SETD2: variants seen among roughly 807,000 people sequenced by gnomAD.
SETD2 encodes the protein SET domain containing 2, histone lysine methyltransferase, also known as histone-lysine N-methyltransferase SETD2.
Under a neutral mutation model 242.1 loss-of-function variants are expected in SETD2, and 31 were observed. The ratio of observed to expected loss-of-function variants is 0.13; its 90% CI spans 0.10 to 0.17. The LOEUF (loss-of-function observed/expected upper bound fraction) is 0.17, where lower values mean the gene tolerates loss of function less well. Among genes scored for constraint, SETD2 ranks in the 10% least tolerant of loss-of-function variants. The probability of loss-of-function intolerance (pLI) is 1.00; values close to 1 mark genes in which losing one functional copy is unlikely to be tolerated. For synonymous variants in SETD2, 1,006 were observed against 1,066.5 expected, an observed-to-expected ratio of 0.94 and a Z score of 1.11; for missense variants, 2,481 against 3,046.3, an observed-to-expected ratio of 0.81 and a Z score of 4.37.
At chr3:47,046,315 T>G (rs2039524093) in intron 16 of SETD2, among the ~76,000 whole-genome samples, 172 bp downstream of exon 16, 1 of 146,668 alleles carries the variant, frequency 6.8e-6, no homozygotes. Flanking sequence ...CCAGCCTGGG[T>G]GACAGAGCGA....
chr3:47,086,426 C>T (rs2041561369), intron 10 of SETD2, 112 bp from the exon 11 acceptor site: 1 of 1,020,298 alleles, frequency 9.8e-7, no homozygotes. Context: ...GGTTCACTTA[C>T]ATTCACAAAA....
chr3:47,103,694 C>G (rs773516572), intron 6 of SETD2, among the ~76,000 whole-genome samples: 3 of 151,892 alleles, frequency 2.0e-5, no homozygotes, highest in Non-Finnish European at 2.9e-5. Context: ...ACACATTTTA[C>G]AAAGGAAAAG....
chr3:47,054,791 T>C (rs766116433), intron 15 of SETD2, among the ~76,000 whole-genome samples: 3 of 152,166 alleles, frequency 2.0e-5, no homozygotes, highest in Non-Finnish European at 4.4e-5. Flanking sequence ...AACTTTTCAT[T>C]TAAATGACTA....
intron 6 of SETD2, 86 bp downstream of exon 6, chr3:47,105,903 CAAAAAAAA>C (rs55987628): frequency 1.0e-4 from 97 of 965,156 alleles, no homozygotes; most frequent in South Asian, 1.3e-4. Flanking sequence ...ACTCCGTCTC[CAAAAAAAA>C]AAAAAAAAAA....
rs761377537 is a variant in SETD2 at position 47,122,574 on chromosome 3, T to G, written c.2062A>C (p.Thr688Pro). The G allele has an allele frequency of 3.1e-6, 5 of 1,614,030 alleles. No individual in the cohort carries two copies. The highest frequency in any genetic ancestry group is 1.7e-6 in the Non-Finnish European group (2 of 1,180,012). The change falls in exon 3 of 21, where the codon ACT becomes CCT. Residue 688 changes from threonine (T) to proline (P), a missense_variant. This residue lies in a region of SETD2 where 1,300 missense variants were observed against 1,259.2 expected (regional missense o/e 1.03). Transcript: ENST00000409792. ...ATTAAAACAGCATCAGTTTTAGAAG[T>G]GCAAAATGTTGCCAAATCAGATTCT... is the stretch of plus-strand genomic sequence containing the variant. ...GAESDLATFC[T>P]SKTDAVLMTS...
At chr3:47,092,910 G>A (rs1338762222) in intron 9 of SETD2, among the ~76,000 whole-genome samples, 1 of 151,974 alleles carries the variant, frequency 6.6e-6, no homozygotes, top group Admixed American at 6.6e-5. Flanking sequence ...CCTATGCTTT[G>A]GAGATAACTT....
chr3:47,095,768 A>G (rs758870591), intron 9 of SETD2, among the ~76,000 whole-genome samples: 1 of 152,042 alleles, frequency 6.6e-6, no homozygotes, highest in Non-Finnish European at 1.5e-5. Context: ...AAAAAAAAAG[A>G]AAAACTTTCA....
chr3:47,093,440 C>T (rs544817413), intron 9 of SETD2, among the ~76,000 whole-genome samples: 3 of 152,050 alleles, frequency 2.0e-5, no homozygotes, highest in South Asian at 4.2e-4. Flanking sequence ...CCCACCATTA[C>T]ACTTGGCTAA....
At chr3:47,089,337 T>C (rs1027658110) in intron 9 of SETD2, among the ~76,000 whole-genome samples, 1 of 152,002 alleles carries the variant, frequency 6.6e-6, no homozygotes, top group African/African-American at 2.4e-5. Flanking sequence ...GTCTCAGCTA[T>C]TCAGGAGGCT....
rs55987628 is a variant in SETD2, at chr3:47,105,903, C to CA, written c.4839+93dup. The CA allele has an allele frequency of 0.022, 21,558 of 961,738 alleles. 19 individuals are homozygous for CA. The highest frequency in any genetic ancestry group is 0.037 in the African/African-American group (1,672 of 45,558). The allele number at this position is 961,738 out of a possible 1,614,324, so 59.6% of individuals were successfully genotyped here. A position where few individuals can be genotyped will look rare whatever the true frequency, so the allele number is the denominator to read the frequency against. ...GGGCGATAGAGCGAGACTCCGTCTCCAAAAAAAAAAAAAAAAAAAAAATCA... is the reference window on the plus strand; with the variant it reads ...GGGCGATAGAGCGAGACTCCGTCTCCAAAAAAAAAAAAAAAAAAAAAAATCA... On this transcript the variant is annotated intron_variant, in intron 6 of 20. Coordinates refer to ENST00000409792, the MANE Select transcript of SETD2 (RefSeq NM_014159.7).
At chr3:47,034,923 A>G (rs1172242590) in intron 18 of SETD2, among the ~76,000 whole-genome samples, 1 of 152,216 alleles carries the variant, frequency 6.6e-6, no homozygotes, top group Non-Finnish European at 1.5e-5. Flanking sequence ...ATGTGTATTT[A>G]GAGATCCAAA....
intron 1 of SETD2, among the ~76,000 whole-genome samples, chr3:47,140,868 AAAAATTAAAATT>A (rs1307483212): frequency 6.6e-6 from 1 of 152,158 alleles, no homozygotes; most frequent in African/African-American, 2.4e-5. Flanking sequence ...GTCTCAAATA[AAAAATTAAAATT>A]AAAATTAAAA....
chr3:47,076,317 C>T (rs1198656757), intron 12 of SETD2, among the ~76,000 whole-genome samples: 1 of 152,100 alleles, frequency 6.6e-6, no homozygotes, highest in African/African-American at 2.4e-5. Context: ...GGAAACCAGA[C>T]CATGGCCAGG....
Position 47,122,694 on chromosome 3 carries a change from T to C in SETD2, c.1942A>G (p.Ser648Gly), listed in dbSNP as rs2106685061. The change falls in exon 3 of 21, where the codon AGT becomes GGT. Residue 648 changes from serine (S) to glycine (G), a missense_variant. Ser to Gly is a moderately conservative substitution (Grantham distance 56). Around this residue, in one of 17 missense-constraint regions of SETD2, gnomAD observed 1,300 missense variants for 1,259.2 expected, o/e 1.03. Transcript: ENST00000409792. ...GATAAAGAGTCTAATTCCTTAATAC[T>C]ATCATGGCTATCATGTGTTATAAAT... ...SEFITHDSHD[S>G]IKELDSLSKV... 1 of 1,612,056 alleles carries C rather than the reference T, an allele frequency of 6.2e-7. No homozygotes were observed. Among genetic ancestry groups the C allele is most frequent in the Non-Finnish European group, 8.5e-7 (1 of 1,179,272 alleles).
intron 18 of SETD2, among the ~76,000 whole-genome samples, chr3:47,036,948 C>CAT (rs2039027806): frequency 6.9e-6 from 1 of 143,956 alleles, no homozygotes; most frequent in African/African-American, 2.6e-5. Flanking sequence ...CTGAAGCGAT[C>CAT]ATAGTAATGG....
intron 1 of SETD2, among the ~76,000 whole-genome samples, chr3:47,151,359 TATATGAAAAA>T (rs1237924540): frequency 1.3e-5 from 2 of 152,028 alleles, no homozygotes; most frequent in East Asian, 3.8e-4. Context: ...TTTAAAAACT[TATATGAAAAA>T]ATAGCATCGA....
At chr3:47,068,115 T>C (rs2107602950) in intron 12 of SETD2, among the ~76,000 whole-genome samples, 1 of 152,334 alleles carries the variant, frequency 6.6e-6, no homozygotes, top group Admixed American at 6.5e-5. Flanking sequence ...AATACTTTCT[T>C]ATCCAGTCAT....
chr3:47,087,105 G>C (rs2041594156), intron 10 of SETD2, among the ~76,000 whole-genome samples: 1 of 151,730 alleles, frequency 6.6e-6, no homozygotes, highest in Non-Finnish European at 1.5e-5. Context: ...GTGTAAAAAA[G>C]GGTACCGTTA....
intron 18 of SETD2, among the ~76,000 whole-genome samples, chr3:47,035,296 T>C (rs2038949106): frequency 6.6e-6 from 1 of 152,186 alleles, no homozygotes; most frequent in African/African-American, 2.4e-5. Context: ...ATAAGCTCAT[T>C]GTGAAGGCGC....
Sources: allele counts gnomAD v4.1 joint callset (sites outside exome capture counted in the v4.1 genomes callset), GRCh38; gene constraint gnomAD v4.1.1; regional missense constraint gnomAD v4.1.1; transcripts MANE v1.5; gene names NCBI Gene and HGNC (gene_info 2026-07-23, HGNC 2026-07-21).